The following SPRED1 variants were observed in gnomAD, a reference collection of about 807,000 sequenced individuals.
SPRED1 encodes sprouty-related, EVH1 domain-containing protein 1.
In SPRED1, 18 loss-of-function variants were observed where a neutral mutation model predicts 52.3. That is an observed-to-expected ratio of 0.34 (90% CI 0.24 to 0.51). The LOEUF is 0.51. SPRED1 is among the 20% of genes least tolerant of loss of function. The pLI, the probability that SPRED1 is intolerant of heterozygous loss-of-function variation, is 0.97. For synonymous variants in SPRED1, 155 were observed against 179.7 expected, an observed-to-expected ratio of 0.86 and a Z score of 1.10; for missense variants, 485 against 551.0, an observed-to-expected ratio of 0.88 and a Z score of 1.20.
At chr15:38,306,116 C>G (rs1895246275) in intron 2 of SPRED1, among the ~76,000 whole-genome samples, 2 of 152,118 alleles carry the variant, frequency 1.3e-5, no homozygotes, top group Admixed American at 1.3e-4. Context: ...GAGACAATTT[C>G]ATCTCCACAT....
At chr15:38,333,116 G>T (rs1166288883) in intron 4 of SPRED1, among the ~76,000 whole-genome samples, 1 of 152,098 alleles carries the variant, frequency 6.6e-6, no homozygotes, top group Non-Finnish European at 1.5e-5. Context: ...AACATTCGGA[G>T]TATAGCACTG....
intron 1 of SPRED1, among the ~76,000 whole-genome samples, chr15:38,263,579 A>G (rs953690912): frequency 2.0e-5 from 3 of 152,208 alleles, no homozygotes; most frequent in Non-Finnish European, 4.4e-5. Flanking sequence ...GCCAAGGGAA[A>G]AAGGAGTATT....
At chr15:38,316,524 G>A (rs1227906395) in intron 2 of SPRED1, among the ~76,000 whole-genome samples, 2 of 151,860 alleles carry the variant, frequency 1.3e-5, no homozygotes, top group Non-Finnish European at 2.9e-5. Flanking sequence ...GGAATGCAAA[G>A]TTGTGCTACC....
At chr15:38,265,461 T>A (rs1483434667) in intron 1 of SPRED1, among the ~76,000 whole-genome samples, 1 of 152,128 alleles carries the variant, frequency 6.6e-6, no homozygotes, top group African/African-American at 2.4e-5. Context: ...TCATTTTAAA[T>A]GTTAGAAAGC....
chr15:38,322,333 T>G lies in SPRED1; in HGVS notation c.300T>G (p.Gly100=). The change falls in exon 3 of 7, where the codon GGT becomes GGG. Residue 100 remains glycine (G), a synonymous_variant. Coordinates refer to ENST00000299084, the MANE Select transcript of SPRED1 (RefSeq NM_152594.3). ...GGAAGATTGATGACAAGAAGTTTGGTCTTACGTTTCAAAGTCCTGCTGATG... is the reference window on the plus strand; with the variant it reads ...GGAAGATTGATGACAAGAAGTTTGGGCTTACGTTTCAAAGTCCTGCTGATG... The part of the protein sequence containing the change: ...HHWKIDDKKF[G]LTFQSPADAR... 6.2e-7 allele frequency: 1 copy of G among 1,613,946 alleles called. No individual in the cohort carries two copies. The highest frequency in any genetic ancestry group is 8.5e-7 in the Non-Finnish European group (1 of 1,179,910).
chr15:38,306,084 A>AG lies in SPRED1; in HGVS notation c.207+6539dup, dbSNP rs150694998. Among the ~76,000 whole-genome samples the AG allele has an allele frequency of 7.2e-4, 109 of 152,166 alleles. No individual in the cohort carries two copies. In the East Asian group the frequency reaches 0.02, roughly 28 times the overall value. On this transcript the variant is annotated intron_variant, in intron 2 of 6. Coordinates refer to ENST00000299084, the MANE Select transcript of SPRED1 (RefSeq NM_152594.3). ...TAAAACTTGGGTCTAATACTTCTTTAGGATTCCCCACTGATTTCCTAGAGA... is the reference window on the plus strand; with the variant it reads ...TAAAACTTGGGTCTAATACTTCTTTAGGGATTCCCCACTGATTTCCTAGAGA...
At chr15:38,349,576 G>A (rs114258866) in intron 6 of SPRED1, 53 bp downstream of exon 6, 24 of 1,232,664 alleles carry the variant, frequency 1.9e-5, no homozygotes, top group African/African-American at 3.0e-5. Flanking sequence ...TTAATAGATA[G>A]GTAAAGTTTT....
At chr15:38,273,222 A>C (rs1298924324) in intron 1 of SPRED1, among the ~76,000 whole-genome samples, 1 of 152,168 alleles carries the variant, frequency 6.6e-6, no homozygotes, top group Non-Finnish European at 1.5e-5. Context: ...ATAGCTGGCT[A>C]GCCATATGCA....
chr15:38,265,804 A>G (rs1245193986), intron 1 of SPRED1, among the ~76,000 whole-genome samples: 1 of 152,190 alleles, frequency 6.6e-6, no homozygotes, highest in Non-Finnish European at 1.5e-5. Flanking sequence ...ATATTGTTGT[A>G]TGGCAAGCAG....
chr15:38,317,482 A>G (rs971830432), intron 2 of SPRED1, among the ~76,000 whole-genome samples: 3 of 151,860 alleles, frequency 2.0e-5, no homozygotes, highest in Non-Finnish European at 2.9e-5. Flanking sequence ...TGTAATTGCT[A>G]TTTTCTACAG....
intron 5 of SPRED1, among the ~76,000 whole-genome samples, chr15:38,343,891 T>C (rs900501280): frequency 1.3e-5 from 2 of 152,140 alleles, no homozygotes; most frequent in African/African-American, 2.4e-5. Context: ...TTATCTGTAG[T>C]TTATGTATGT....
rs879712715 is a variant in SPRED1, at chr15:38,323,997, TAAAA to T, written c.377-763_377-760del. 4.9e-3 allele frequency among the ~76,000 whole-genome samples: 748 copies of T among 152,262 alleles called. 2 individuals are homozygous for T. Among genetic ancestry groups the T allele is most frequent in the Middle Eastern group, 0.024 (7 of 294 alleles). On this transcript the variant is annotated intron_variant, in intron 3 of 6. Coordinates refer to ENST00000299084, the MANE Select transcript of SPRED1 (RefSeq NM_152594.3). Reference sequence around the variant, plus strand: ...AGTCTGCCTTGTTATTTTTGAACATTAAAAAACATTAGCTAGCATTATTATCAGC... The same window carrying T: ...AGTCTGCCTTGTTATTTTTGAACATTAACATTAGCTAGCATTATTATCAGC...
chr15:38,315,820 G>T (rs779888483), intron 2 of SPRED1, among the ~76,000 whole-genome samples: 1 of 151,854 alleles, frequency 6.6e-6, no homozygotes, highest in Non-Finnish European at 1.5e-5. Flanking sequence ...CCTATTGTGG[G>T]GTAGTGGCAT....
At chr15:38,327,396 A>G (rs561311152) in intron 4 of SPRED1, among the ~76,000 whole-genome samples, 4 of 152,168 alleles carry the variant, frequency 2.6e-5, no homozygotes, top group African/African-American at 7.2e-5. Flanking sequence ...GGCTGTTCCT[A>G]GGGACTCACT....
At chr15:38,255,579 A>G (rs1894078068) in intron 1 of SPRED1, among the ~76,000 whole-genome samples, 1 of 152,204 alleles carries the variant, frequency 6.6e-6, no homozygotes, top group Non-Finnish European at 1.5e-5. Flanking sequence ...TTGCTTGTGC[A>G]TTAGATAAAC....
intron 1 of SPRED1, among the ~76,000 whole-genome samples, chr15:38,259,201 C>T (rs1368991590): frequency 6.6e-6 from 1 of 152,112 alleles, no homozygotes; most frequent in East Asian, 1.9e-4. Context: ...GCTTAATAGC[C>T]ATGTATCTTT....
At chr15:38,295,817 T>C (rs990493038) in intron 1 of SPRED1, among the ~76,000 whole-genome samples, 2 of 152,200 alleles carry the variant, frequency 1.3e-5, no homozygotes, top group Non-Finnish European at 2.9e-5. Context: ...TACTGTACTC[T>C]AGACTCATAC....
In SPRED1 at chr15:38,317,866, G is replaced by T. The variant is rs7171817; in HGVS notation, c.208-4375G>T. On this transcript the variant is annotated intron_variant, in intron 2 of 6. Transcript: ENST00000299084. ...TTTTTTAAGTTTGAAGTAGACAGTT[G>T]GTATCTGTCTCTGTTACTTAATCAA... is the stretch of plus-strand genomic sequence containing the variant. 6.7e-5 allele frequency among the ~76,000 whole-genome samples: 10 copies of T among 148,516 alleles called. No homozygotes were observed. In the South Asian group the frequency reaches 1.3e-3, roughly 19 times the overall value.
At chr15:38,278,303 G>C (rs1345253499) in intron 1 of SPRED1, among the ~76,000 whole-genome samples, 1 of 152,138 alleles carries the variant, frequency 6.6e-6, no homozygotes, top group Non-Finnish European at 1.5e-5. Context: ...GAAATAAGAT[G>C]AAACCCTGTC....
Sources: allele counts gnomAD v4.1 joint callset (sites outside exome capture counted in the v4.1 genomes callset), GRCh38; gene constraint gnomAD v4.1.1; transcripts MANE v1.5; gene names NCBI Gene and HGNC (gene_info 2026-07-23, HGNC 2026-07-21).